Variants in AP3D1 observed in about 807,000 individuals in gnomAD.
The protein encoded by AP3D1 is adaptor related protein complex 3 subunit delta 1, also known as AP-3 complex subunit delta-1.
AP3D1 carries 51 observed loss-of-function variants against 147.6 expected under a neutral mutation model. The ratio of observed to expected loss-of-function variants is 0.35; its 90% CI spans 0.28 to 0.44. The LOEUF (loss-of-function observed/expected upper bound fraction) is 0.44, where lower values mean the gene tolerates loss of function less well. Ranked by LOEUF, AP3D1 falls within the 20% of genes least tolerant of loss-of-function variation. The pLI, the probability that AP3D1 is intolerant of heterozygous loss-of-function variation, is 1.00. For synonymous variants in AP3D1, 760 were observed against 663.0 expected, an observed-to-expected ratio of 1.15 and a Z score of -2.25; for missense variants, 1,421 against 1,624.2, an observed-to-expected ratio of 0.87 and a Z score of 2.15.
chr19:2,108,581 C>A lies in AP3D1; in HGVS notation c.3552+106G>T. 1.2e-5 allele frequency: 12 copies of A among 1,026,214 alleles called. No individual in the cohort carries two copies. In the South Asian group the frequency reaches 1.8e-4, roughly 15 times the overall value. The allele number at this position is 1,026,214 out of a possible 1,614,324, so 63.6% of individuals were successfully genotyped here. ...ATGGCAGCAGTGCTGCCATCACTGT[C>A]CTCGAGCCCTCTAAGTCCCAAAGCG... On this transcript the variant is annotated intron_variant, in intron 31 of 31. Coordinates refer to ENST00000643116, the MANE Select transcript of AP3D1 (RefSeq NM_001261826.3).
At chr19:2,143,904 G>A (rs1184649779) in intron 1 of AP3D1, among the ~76,000 whole-genome samples, 4 of 152,060 alleles carry the variant, frequency 2.6e-5, no homozygotes, top group African/African-American at 7.2e-5. Flanking sequence ...TCTGACCAAC[G>A]TGGAGAAACC....
At chr19:2,155,695 A>G (rs1171293787), upstream of AP3D1, among the ~76,000 whole-genome samples, 1 of 152,070 alleles carries the variant, frequency 6.6e-6, no homozygotes. Context: ...ATTCTATGAT[A>G]TTGGGACTTT....
intron 1 of AP3D1, among the ~76,000 whole-genome samples, chr19:2,145,668 G>A (rs1231968152): frequency 4.6e-5 from 7 of 152,140 alleles, no homozygotes; most frequent in Admixed American, 2.0e-4. Context: ...CAACGCAAGT[G>A]AGCATCACCC....
chr19:2,116,454 AG>A, intron 17 of AP3D1, 150 bp downstream of exon 17: 1 of 1,231,196 alleles, frequency 8.1e-7, no homozygotes, highest in Non-Finnish European at 1.1e-6. Flanking sequence ...TTGGGGGAAA[AG>A]GAATCGCTAA....
At chr19:2,128,205 C>T (rs1360692863) in intron 8 of AP3D1, among the ~76,000 whole-genome samples, 1 of 152,122 alleles carries the variant, frequency 6.6e-6, no homozygotes, top group African/African-American at 2.4e-5. Flanking sequence ...CTTCTAGCAA[C>T]CAAAGGCAGC....
intron 9 of AP3D1, among the ~76,000 whole-genome samples, chr19:2,125,219 C>T (rs1007499971): frequency 1.3e-5 from 2 of 152,122 alleles, no homozygotes; most frequent in Admixed American, 6.5e-5. Flanking sequence ...AATGTAAATA[C>T]GAACGAAGAA....
chr19:2,141,932 A>G (rs1036053405), intron 1 of AP3D1, among the ~76,000 whole-genome samples: 1 of 149,480 alleles, frequency 6.7e-6, no homozygotes, highest in Non-Finnish European at 1.5e-5. Flanking sequence ...AAAATTATAT[A>G]TATTTATATA....
chr19:2,150,643 G>T lies in AP3D1; in HGVS notation c.96+596C>A, dbSNP rs546454143. Among the ~76,000 whole-genome samples the T allele has an allele frequency of 7.7e-4, 118 of 152,284 alleles. 1 individual carries two copies. Among genetic ancestry groups the T allele is most frequent in the African/African-American group, 2.7e-3 (114 of 41,566 alleles). ...ACTGGAGGCAACGCCCCAAGACCCT[G>T]CCTGGTTCCGAGCCAGGCCTCAGGG... On this transcript the variant is annotated intron_variant, in intron 1 of 31. Coordinates refer to ENST00000643116, the MANE Select transcript of AP3D1 (RefSeq NM_001261826.3).
At chr19:2,145,665 A>G (rs1030800594) in intron 1 of AP3D1, among the ~76,000 whole-genome samples, 1 of 152,118 alleles carries the variant, frequency 6.6e-6, no homozygotes, top group Non-Finnish European at 1.5e-5. Flanking sequence ...GCTCAACGCA[A>G]GTGAGCATCA....
At chr19:2,142,451 G>C (rs1254916624) in intron 1 of AP3D1, among the ~76,000 whole-genome samples, 2 of 152,114 alleles carry the variant, frequency 1.3e-5, no homozygotes, top group African/African-American at 4.8e-5. Context: ...CACCTGGCTG[G>C]CGCTTTTTCT....
chr19:2,161,791 A>G (rs58983772), intron 1 of AP3D1, among the ~76,000 whole-genome samples: 1 of 151,732 alleles, frequency 6.6e-6, no homozygotes, highest in African/African-American at 2.4e-5. Context: ...TCTACTAAAA[A>G]TACAAAAATT....
In AP3D1 at chr19:2,116,587, G is replaced by A. The variant is rs1313007113; in HGVS notation, c.2001+18C>T. The A allele has an allele frequency of 7.0e-6, 11 of 1,572,682 alleles. No homozygotes were observed. The highest frequency in any genetic ancestry group is 9.5e-6 in the Non-Finnish European group (11 of 1,161,474). On this transcript the variant is annotated intron_variant, in intron 17 of 31. Transcript: ENST00000643116. The stretch of plus-strand genomic sequence containing the variant: ...GAGGGAGGAGACGAGGGCTCGCCAG[G>A]GGCAGCCAGCAGCTCACCCGAGCCA...
At chr19:2,157,437 G>C in intron 1 of AP3D1, among the ~76,000 whole-genome samples, 1 of 41,852 alleles carries the variant, frequency 2.4e-5, no homozygotes, top group South Asian at 1.2e-3. Context: ...GCGAGACTCC[G>C]TCTCAAAAAA....
At position 2,118,573 on chromosome 19, in the gene AP3D1, C is replaced by T. The variant is rs755596735; in HGVS notation, c.1713+28G>A. 1.5e-5 allele frequency: 24 copies of T among 1,583,348 alleles called. No individual in the cohort carries two copies. The East Asian group carries it at 2.0e-4, about 13-fold the overall frequency. ...AAGGCACTGAGGGCTCCCTGAGGCT[C>T]GGCCCAACACGGAGTGTTGGATCTT... On this transcript the variant is annotated intron_variant, in intron 15 of 31. Transcript: ENST00000643116.
intron 14 of AP3D1, 131 bp from the exon 15 acceptor site, chr19:2,118,963 C>G: frequency 1.3e-6 from 1 of 797,504 alleles, no homozygotes; most frequent in Admixed American, 2.8e-5. Context: ...CCTGAGCGGT[C>G]TCCAGGGGCT....
chr19:2,119,104 G>A (rs2018539762), intron 14 of AP3D1, among the ~76,000 whole-genome samples: 1 of 152,254 alleles, frequency 6.6e-6, no homozygotes, highest in Non-Finnish European at 1.5e-5. Context: ...GGTCAACTGT[G>A]CAGCTGGCCC....
At chr19:2,137,839 C>T (rs773651008) in intron 2 of AP3D1, 32 bp from the exon 3 acceptor site, 17 of 1,605,352 alleles carry the variant, frequency 1.1e-5, no homozygotes, top group Non-Finnish European at 1.4e-5. Context: ...ATTGCACTCA[C>T]AAGCCAAAGC....
chr19:2,126,610 G>C (rs909448485), intron 9 of AP3D1, among the ~76,000 whole-genome samples: 1 of 141,098 alleles, frequency 7.1e-6, no homozygotes, highest in Admixed American at 7.4e-5. Flanking sequence ...GCCAAGTTGC[G>C]CCACTGCCCT....
chr19:2,108,102 T>C (rs1275814682), intron 31 of AP3D1, among the ~76,000 whole-genome samples: 8 of 152,096 alleles, frequency 5.3e-5, no homozygotes, highest in Non-Finnish European at 7.4e-5. Flanking sequence ...ATGCCACTTA[T>C]CACACAGTCT....
Sources: allele counts gnomAD v4.1 joint callset (sites outside exome capture counted in the v4.1 genomes callset), GRCh38; gene constraint gnomAD v4.1.1; transcripts MANE v1.5; gene names NCBI Gene and HGNC (gene_info 2026-07-23, HGNC 2026-07-21).